ADAM9: variants seen among roughly 807,000 people sequenced by gnomAD.
The protein encoded by ADAM9 is ADAM metallopeptidase domain 9, also known as disintegrin and metalloproteinase domain-containing protein 9.
Under a neutral mutation model 108.1 loss-of-function variants are expected in ADAM9, and 54 were observed. The ratio of observed to expected loss-of-function variants is 0.50; its 90% CI spans 0.40 to 0.63. The LOEUF is 0.63. Ranked by LOEUF, ADAM9 falls within the 20% of genes least tolerant of loss-of-function variation. ADAM9 has a pLI of 0.00. For synonymous variants in ADAM9, 316 were observed against 336.0 expected (o/e 0.94, Z 0.65); for missense variants, 830 against 997.7 (o/e 0.83, Z 2.26).
chr8:39,026,756 A>G lies in ADAM9; in HGVS notation c.1076A>G (p.Asp359Gly), dbSNP rs1836935859. 1 of 1,614,040 alleles carries G rather than the reference A, an allele frequency of 6.2e-7. No individual in the cohort carries two copies. ...CATAATCTTGGAATGAATCACGATGATGGGAGAGATTGTTCCTGTGGAGCA... is the reference window on the plus strand; with the variant it reads ...CATAATCTTGGAATGAATCACGATGGTGGGAGAGATTGTTCCTGTGGAGCA... ...LGHNLGMNHD[D>G]GRDCSCGAKS... Residue 359 changes from aspartate (D) to glycine (G), a missense_variant, in exon 11 of 22, where the codon GAT becomes GGT. By Grantham distance (94) the Asp-to-Gly change is moderately conservative. Around this residue, in one of 3 missense-constraint regions of ADAM9, gnomAD observed 381 missense variants for 539.8 expected, o/e 0.71. Coordinates refer to ENST00000487273, the MANE Select transcript of ADAM9 (RefSeq NM_003816.3).
At chr8:39,027,721 G>C (rs999070824) in intron 11 of ADAM9, among the ~76,000 whole-genome samples, 4 of 152,122 alleles carry the variant, frequency 2.6e-5, no homozygotes, top group Non-Finnish European at 5.9e-5. Context: ...AGAGCTGAAT[G>C]TAACTGTAGT....
intron 11 of ADAM9, among the ~76,000 whole-genome samples, chr8:39,035,673 C>T (rs558656314): frequency 5.3e-5 from 8 of 152,086 alleles, no homozygotes; most frequent in Admixed American, 2.0e-4. Context: ...AAACATTAGC[C>T]GGGCATGGTG....
At chr8:39,045,140 A>ATACATACATATG (rs1564298009) in intron 12 of ADAM9, among the ~76,000 whole-genome samples, 1 of 98,508 alleles carries the variant, frequency 1.0e-5, no homozygotes. Flanking sequence ...ACATACATAT[A>ATACATACATATG]TGTGTATATA....
intron 14 of ADAM9, among the ~76,000 whole-genome samples, chr8:39,061,813 C>A (rs1457259301): frequency 6.6e-6 from 1 of 152,158 alleles, no homozygotes; most frequent in African/African-American, 2.4e-5. Context: ...TTAAAGGTCC[C>A]ACCTCTTAAT....
chr8:39,059,279 A>G (rs1427799179), intron 14 of ADAM9, among the ~76,000 whole-genome samples: 1 of 152,260 alleles, frequency 6.6e-6, no homozygotes, highest in Admixed American at 6.5e-5. Flanking sequence ...CAGTAAGAAC[A>G]AAGCACTGCT....
At position 39,071,313 on chromosome 8, in the gene ADAM9, C is replaced by T; in HGVS notation, c.1607C>T (p.Pro536Leu). 6.2e-7 allele frequency: 1 copy of T among 1,613,890 alleles called. No homozygotes were observed. Among genetic ancestry groups the T allele is most frequent in the South Asian group, 1.1e-5 (1 of 91,062 alleles). Residue 536 changes from proline (P) to leucine (L), a missense_variant, in exon 15 of 22, where the codon CCC becomes CTC. Transcript: ENST00000487273. ...VIFGSKAKAA[P>L]KDCFIEVNSK... ...AATGTTACAGAAGCCAAGGCTGCCC[C>T]CAAAGATTGTTTCATTGAAGTGAAT...
At chr8:39,040,253 T>C (rs1188720117) in intron 11 of ADAM9, among the ~76,000 whole-genome samples, 1 of 152,120 alleles carries the variant, frequency 6.6e-6, no homozygotes, top group Non-Finnish European at 1.5e-5. Context: ...TTTACCATGT[T>C]GGCCAGGCTG....
intron 21 of ADAM9, among the ~76,000 whole-genome samples, chr8:39,103,130 G>A (rs768497511): frequency 6.6e-6 from 1 of 152,178 alleles, no homozygotes; most frequent in Non-Finnish European, 1.5e-5. Context: ...GGTGTCCACA[G>A]GTGGAAGTAT....
intron 14 of ADAM9, among the ~76,000 whole-genome samples, chr8:39,068,429 C>A (rs767896417): frequency 1.3e-5 from 2 of 152,000 alleles, no homozygotes; most frequent in African/African-American, 4.8e-5. Flanking sequence ...AATCCTAGCA[C>A]TTTGGGAGGC....
At chr8:39,077,534 A>C in intron 16 of ADAM9, 123 bp downstream of exon 16, 1 of 997,878 alleles carries the variant, frequency 1.0e-6, no homozygotes, top group Non-Finnish European at 1.4e-6. Flanking sequence ...GAAATTTTAG[A>C]AAATACAAAG....
intron 13 of ADAM9, 41 bp downstream of exon 13, chr8:39,054,614 A>AG (rs1323914314): frequency 2.6e-6 from 4 of 1,526,902 alleles, no homozygotes; most frequent in Non-Finnish European, 3.6e-6. Flanking sequence ...AAAAAAAAAA[A>AG]AAAAAAAAGA....
intron 15 of ADAM9, among the ~76,000 whole-genome samples, chr8:39,073,269 T>C (rs1486162180): frequency 6.6e-6 from 1 of 152,238 alleles, no homozygotes; most frequent in Non-Finnish European, 1.5e-5. Context: ...TGTTGAAGTC[T>C]CCAGTTATGA....
intron 15 of ADAM9, 21 bp downstream of exon 15, chr8:39,071,424 A>ATTCC: frequency 1.3e-6 from 2 of 1,528,884 alleles, no homozygotes; most frequent in Non-Finnish European, 1.8e-6. Context: ...GTGCGGTCAT[A>ATTCC]ATGGAATATG....
rs926371984 is a variant in ADAM9, at chr8:39,104,802, A to G, written c.*1102A>G. 4.4e-6 allele frequency: 2 copies of G among 453,692 alleles called. No homozygotes were observed. Among genetic ancestry groups the G allele is most frequent in the Non-Finnish European group, 4.4e-6 (1 of 226,614 alleles). 28.1% of individuals were successfully genotyped at this position (453,692 alleles called of 1,614,324 possible). A position where few individuals can be genotyped will look rare whatever the true frequency, so the allele number is the denominator to read the frequency against. On this transcript the variant is annotated 3_prime_UTR_variant, in exon 22 of 22. Transcript: ENST00000487273. ...ATGAGTTATCATCTTAGCTGTGTTA[A>G]AAATGAATTTTTACTATGGCAGATA... is the stretch of plus-strand genomic sequence containing the variant.
chr8:39,002,119 T>C (rs1173588019), intron 1 of ADAM9, among the ~76,000 whole-genome samples: 6 of 150,990 alleles, frequency 4.0e-5, no homozygotes, highest in East Asian at 1.9e-4. Flanking sequence ...GCTTTGTAGA[T>C]CTAATTGAAA....
At chr8:39,050,527 C>G (rs964309772) in intron 12 of ADAM9, among the ~76,000 whole-genome samples, 2 of 150,672 alleles carry the variant, frequency 1.3e-5, no homozygotes, top group Admixed American at 6.6e-5. Flanking sequence ...TCTGTTTGCT[C>G]TGATCTGCTG....
At chr8:39,086,278 G>T (rs1262978682) in intron 18 of ADAM9, among the ~76,000 whole-genome samples, 2 of 152,142 alleles carry the variant, frequency 1.3e-5, no homozygotes, top group African/African-American at 2.4e-5. Flanking sequence ...GCCTCCCAAA[G>T]TTCTGGGATT....
At chr8:39,042,145 G>T in intron 12 of ADAM9, 28 bp downstream of exon 12, 1 of 1,613,152 alleles carries the variant, frequency 6.2e-7, no homozygotes, top group South Asian at 1.1e-5. Context: ...CTTTTGCCTT[G>T]TAAAATTGCC....
At chr8:39,078,340 G>A (rs1273683842) in intron 16 of ADAM9, among the ~76,000 whole-genome samples, 1 of 147,138 alleles carries the variant, frequency 6.8e-6, no homozygotes, top group African/African-American at 2.6e-5. Flanking sequence ...CCCAGCCTAG[G>A]CAGCAGAGGA....
Sources: allele counts gnomAD v4.1 joint callset (sites outside exome capture counted in the v4.1 genomes callset), GRCh38; gene constraint gnomAD v4.1.1; regional missense constraint gnomAD v4.1.1; transcripts MANE v1.5; gene names NCBI Gene and HGNC (gene_info 2026-07-23, HGNC 2026-07-21).